The following LTN1 variants were observed in gnomAD, a reference collection of about 807,000 sequenced individuals.
LTN1 encodes the protein E3 ubiquitin-protein ligase listerin.
LTN1 carries 88 observed loss-of-function variants against 201.2 expected under a neutral mutation model. The observed-to-expected ratio is 0.44, with a 90% CI of 0.37 to 0.52. The LOEUF is 0.52. LTN1 is among the 20% of genes least tolerant of loss of function. The pLI is 0.00. For missense variants in LTN1, 1,752 were observed against 2,038.7 expected, an observed-to-expected ratio of 0.86 and a Z score of 2.71; for synonymous variants, 645 against 713.5, an observed-to-expected ratio of 0.90 and a Z score of 1.53.
intron 16 of LTN1, among the ~76,000 whole-genome samples, chr21:28,953,767 G>C (rs1157500011): frequency 1.3e-5 from 2 of 152,160 alleles, no homozygotes; most frequent in African/African-American, 4.8e-5. Flanking sequence ...ATGGGAGACA[G>C]TATGATACAG....
chr21:28,945,227 A>T (rs556929707), intron 21 of LTN1, among the ~76,000 whole-genome samples: 68 of 151,382 alleles, frequency 4.5e-4, no homozygotes, highest in African/African-American at 1.4e-3. Flanking sequence ...TCTCAAATTT[A>T]AAAAAAAAGA....
At chr21:28,940,707 C>A (rs887748666) in intron 25 of LTN1, among the ~76,000 whole-genome samples, 2 of 152,244 alleles carry the variant, frequency 1.3e-5, no homozygotes, top group Admixed American at 6.5e-5. Flanking sequence ...GTTGATCTGG[C>A]CACCTATCAG....
intron 6 of LTN1, among the ~76,000 whole-genome samples, chr21:28,979,191 TAA>T (rs1246511226): frequency 6.6e-6 from 1 of 152,210 alleles, no homozygotes; most frequent in Non-Finnish European, 1.5e-5. Flanking sequence ...TTATGCAGTA[TAA>T]GAGTCATCAC....
intron 1 of LTN1, among the ~76,000 whole-genome samples, chr21:28,988,503 T>G (rs939159916): frequency 2.0e-5 from 3 of 150,434 alleles, no homozygotes; most frequent in African/African-American, 4.9e-5. Flanking sequence ...CTAGCAAAAG[T>G]GTGTTTGGAA....
chr21:28,952,331 G>A lies in LTN1; in HGVS notation c.3240-67C>T, dbSNP rs1458193780. 5 of 898,196 alleles carry A rather than the reference G, an allele frequency of 5.6e-6. No homozygotes were observed. The Admixed American group carries it at 1.2e-4, about 21-fold the overall frequency. The allele number at this position is 898,196 out of a possible 1,614,324, so 55.6% of individuals were successfully genotyped here. A position where few individuals can be genotyped will look rare whatever the true frequency, so the allele number is the denominator to read the frequency against. ...ATACTGAATAAAATGTTTAAACACT[G>A]GCTAGCTGGATTCCTTTTACAGAAT... On this transcript the variant is annotated intron_variant, in intron 17 of 29. Transcript: ENST00000361371.
rs749264565 is a variant in LTN1, at chr21:28,932,467, T to C, written c.5070+3A>G. On this transcript the variant is annotated splice_donor_region_variant and intron_variant, in intron 28 of 29. Transcript: ENST00000361371. ...AAAGCCAAATGTGTAAACAGAAACT[T>C]ACCTGATGGGTGAGGTAAGTGCTTA... 6.2e-7 allele frequency: 1 copy of C among 1,612,246 alleles called. No individual in the cohort carries two copies. Among genetic ancestry groups the C allele is most frequent in the Non-Finnish European group, 8.5e-7 (1 of 1,179,424 alleles).
chr21:28,958,369 AG>A lies in LTN1; in HGVS notation c.2747+16del. On this transcript the variant is annotated intron_variant, in intron 14 of 29. Transcript: ENST00000361371. ...AAGTATAAAAGAGACACTGAAACCA[AG>A]CTCAAAAAAGGTTACCTGTTGATAT... 4 of 1,592,094 alleles carry A rather than the reference AG, an allele frequency of 2.5e-6. No individual in the cohort carries two copies. The highest frequency in any genetic ancestry group is 3.4e-6 in the Non-Finnish European group (4 of 1,174,182).
intron 6 of LTN1, among the ~76,000 whole-genome samples, chr21:28,974,798 C>A (rs1483630299): frequency 1.3e-5 from 2 of 152,132 alleles, no homozygotes; most frequent in African/African-American, 2.4e-5. Flanking sequence ...CTATGCCCAG[C>A]TAATTTTTAA....
Position 28,969,492 on chromosome 21 carries a change from T to A in LTN1, c.1285A>T (p.Ile429Phe). 6.2e-7 allele frequency: 1 copy of A among 1,612,498 alleles called. No individual in the cohort carries two copies. The highest frequency in any genetic ancestry group is 1.1e-5 in the South Asian group (1 of 90,738). ...IMQQNLGEEE[I>F]EQMLVNDQLI... ...TGATCATTGACGAGCATCTGTTCAATCTCTTCCTCACCTAAGTTTTGCTGC... is the reference window on the plus strand; with the variant it reads ...TGATCATTGACGAGCATCTGTTCAAACTCTTCCTCACCTAAGTTTTGCTGC... The change falls in exon 9 of 30, where the codon ATT becomes TTT. Residue 429 changes from isoleucine to phenylalanine, a missense_variant. Ile to Phe is a conservative substitution (Grantham distance 21). This residue lies in a region of LTN1 where 1,211 missense variants were observed against 1,312.8 expected (regional missense o/e 0.92). Transcript: ENST00000361371.
In LTN1 at chr21:28,986,154, A is replaced by G. The variant is rs151057331; in HGVS notation, c.330T>C (p.Phe110=). 6.2e-7 allele frequency: 1 copy of G among 1,610,518 alleles called. No individual in the cohort carries two copies. Among genetic ancestry groups the G allele is most frequent in the African/African-American group, 1.3e-5 (1 of 74,870 alleles). ...KGVLPYWPRI[F]CKISLDHDRR... ...TAATACTTACAAGTGAAATTTTGCA[A>G]AAAATTCTTGGCCAATATGGAAGAA... Residue 110 remains phenylalanine (F), a synonymous_variant, in exon 3 of 30, where the codon TTT becomes TTC. Transcript: ENST00000361371. The surrounding 1 kb of genome is among the most constrained non-coding windows in gnomAD (Gnocchi z 4.1).
chr21:28,955,271 G>A (rs2084415300), intron 16 of LTN1, among the ~76,000 whole-genome samples: 1 of 151,904 alleles, frequency 6.6e-6, no homozygotes, highest in South Asian at 2.1e-4. Context: ...ATAAAGACCT[G>A]TCTGGGCAAC....
In LTN1 at chr21:28,957,514, G is replaced by A. The variant is rs567596038; in HGVS notation, c.2748-38C>T. The stretch of plus-strand genomic sequence containing the variant: ...CAGAGAACTTAACTGTTGTAGTTAC[G>A]CTATGACTAGTTTGAATACCCCAAT... On this transcript the variant is annotated intron_variant, in intron 14 of 29. Coordinates refer to ENST00000361371, the MANE Select transcript of LTN1 (RefSeq NM_015565.3). The A allele has an allele frequency of 3.8e-5, 55 of 1,465,948 alleles. 1 individual carries two copies. The South Asian group carries it at 6.0e-4, about 16-fold the overall frequency. The allele number at this position is 1,465,948 out of a possible 1,614,324, so 90.8% of individuals were successfully genotyped here.
chr21:28,971,463 G>C lies in LTN1; in HGVS notation c.811-19C>G, dbSNP rs541476236. 9 of 1,606,808 alleles carry C rather than the reference G, an allele frequency of 5.6e-6. No individual in the cohort carries two copies. The African/African-American group carries it at 1.2e-4, about 22-fold the overall frequency. ...AGCGAATCTAAAAGAATGCAAAGCT[G>C]AATTAAATTAAAACCTAGTAAAACT... On this transcript the variant is annotated intron_variant, in intron 6 of 29. Transcript: ENST00000361371.
In LTN1 at chr21:28,973,347, A is replaced by C. The variant is rs1410300034; in HGVS notation, c.811-1903T>G. On this transcript the variant is annotated intron_variant, in intron 6 of 29. Transcript: ENST00000361371. Reference sequence around the variant, plus strand: ...GGGTGACAAAGCAAGAATCCGTCCCAAAAAAAAAAAAAAAAAAAAAAGAAT... The same window carrying C: ...GGGTGACAAAGCAAGAATCCGTCCCCAAAAAAAAAAAAAAAAAAAAAGAAT... 1.5e-4 allele frequency among the ~76,000 whole-genome samples: 15 copies of C among 100,144 alleles called. No individual in the cohort carries two copies. In the East Asian group the frequency reaches 2.5e-3, roughly 17 times the overall value. 65.7% of individuals were successfully genotyped at this position (100,144 alleles called of 152,430 possible). A position where few individuals can be genotyped will look rare whatever the true frequency, so the allele number is the denominator to read the frequency against.
intron 28 of LTN1, among the ~76,000 whole-genome samples, chr21:28,931,923 G>C (rs1474476022): frequency 6.6e-6 from 1 of 152,108 alleles, no homozygotes; most frequent in East Asian, 1.9e-4. Flanking sequence ...AGAATCGCTT[G>C]AACTGGGAGG....
In LTN1 at chr21:28,947,447, A is replaced by C. The variant is rs750239436; in HGVS notation, c.3487+17T>G. On this transcript the variant is annotated intron_variant, in intron 19 of 29. Transcript: ENST00000361371. ...CAATAATTAAATTAATGAAATATTTATTATCAAGCAACTAACCATTAGTGC... is the reference window on the plus strand; with the variant it reads ...CAATAATTAAATTAATGAAATATTTCTTATCAAGCAACTAACCATTAGTGC... 74 of 1,501,326 alleles carry C rather than the reference A, an allele frequency of 4.9e-5. No individual in the cohort carries two copies. In the South Asian group the frequency reaches 9.6e-4, roughly 19 times the overall value. The allele number at this position is 1,501,326 out of a possible 1,614,324, so 93.0% of individuals were successfully genotyped here.
chr21:28,970,597 G>A lies in LTN1; in HGVS notation c.1130C>T (p.Pro377Leu). 1.9e-6 allele frequency: 3 copies of A among 1,613,356 alleles called. No homozygotes were observed. The highest frequency in any genetic ancestry group is 2.5e-6 in the Non-Finnish European group (3 of 1,179,842). The change falls in exon 8 of 30, where the codon CCA becomes CTA. Residue 377 changes from proline to leucine, a missense_variant. Transcript: ENST00000361371. ...ISKLPQSITNPKLDFFKNFLT... is the reference protein window; with the variant it reads ...ISKLPQSITNLKLDFFKNFLT... ...GAAATTTTTGAAGAAATCCAACTTTGGATTTGTGATGGACTGAGGGAGCTT... is the reference window on the plus strand; with the variant it reads ...GAAATTTTTGAAGAAATCCAACTTTAGATTTGTGATGGACTGAGGGAGCTT...
rs143998411 is a variant in LTN1, at chr21:28,947,500, A to G, written c.3451T>C (p.Leu1151=). 4 of 1,567,222 alleles carry G rather than the reference A, an allele frequency of 2.6e-6. No individual in the cohort carries two copies. In the African/African-American group the frequency reaches 5.5e-5, roughly 22 times the overall value. ...CAAAGATCTTTCTTAGTCCAGCCCA[A>G]AAGAGCAGGTATACATTGAGCACTA... ...EFSAQCIPAL[L]GWTKKDLCST... is the part of the protein sequence containing the mutation. The change falls in exon 19 of 30, where the codon TTG becomes CTG. Residue 1151 remains leucine, a synonymous_variant. Coordinates refer to ENST00000361371, the MANE Select transcript of LTN1 (RefSeq NM_015565.3).
In LTN1 at chr21:28,929,594, A is replaced by G. The variant is rs2084195204; in HGVS notation, c.*854T>C. On this transcript the variant is annotated 3_prime_UTR_variant, in exon 30 of 30. Transcript: ENST00000361371. ...TTTTAAATGTTTTTTTTTTCCACTG[A>G]TCTTTAAGTTTCAGTAATACTCATT... 6.6e-6 allele frequency: 1 copy of G among 151,650 alleles called. No individual in the cohort carries two copies. The allele number at this position is 151,650 out of a possible 1,614,324, so 9.4% of individuals were successfully genotyped here.
Sources: allele counts gnomAD v4.1 joint callset (sites outside exome capture counted in the v4.1 genomes callset), GRCh38; gene constraint gnomAD v4.1.1; regional missense constraint gnomAD v4.1.1; non-coding constraint Gnocchi (gnomAD v3.1); transcripts MANE v1.5; gene names NCBI Gene and HGNC (gene_info 2026-07-23, HGNC 2026-07-21).